Variants in SYNE2 observed in about 807,000 individuals in gnomAD.
SYNE2 encodes the protein spectrin repeat containing nuclear envelope protein 2, also known as nesprin-2.
SYNE2 carries 431 observed loss-of-function variants against 856.3 expected under a neutral mutation model. That is an observed-to-expected ratio of 0.50 (90% confidence interval 0.47 to 0.55). The LOEUF (loss-of-function observed/expected upper bound fraction) is 0.55. Among genes scored for constraint, SYNE2 ranks in the 20% least tolerant of loss-of-function variants. The probability of loss-of-function intolerance (pLI) is 0.00; values close to 1 mark genes in which losing one functional copy is unlikely to be tolerated. For synonymous variants in SYNE2, 2,923 were observed against 2,872.3 expected (o/e 1.02, Z -0.56); for missense variants, 8,129 against 8,023.2 (o/e 1.01, Z -0.50).
chr14:64,165,744 C>T (rs535243938), intron 90 of SYNE2, among the ~76,000 whole-genome samples: 1 of 151,880 alleles, frequency 6.6e-6, no homozygotes, highest in Non-Finnish European at 1.5e-5. Context: ...GAACTCTTGA[C>T]GTCAGGTGAT....
chr14:64,070,882 A>G lies in SYNE2; in HGVS notation c.10669A>G (p.Ile3557Val). ...GGAAACTGTTCCAGCATTTCAAGAA[A>G]TTACTTCTATGAAAGAACGATGCAA... ...AVETVPAFQE[I>V]TSMKERCNKL... Residue 3557 changes from isoleucine to valine, a missense_variant, in exon 52 of 116, where the codon ATT becomes GTT. Physicochemically the swap from Ile to Val is conservative, Grantham distance 29. Coordinates refer to ENST00000555002, the MANE Select transcript of SYNE2 (RefSeq NM_182914.3). 6.2e-7 allele frequency: 1 copy of G among 1,614,198 alleles called. No individual in the cohort carries two copies. Among genetic ancestry groups the G allele is most frequent in the Non-Finnish European group, 8.5e-7 (1 of 1,180,012 alleles).
intron 1 of SYNE2, among the ~76,000 whole-genome samples, chr14:63,843,911 A>G (rs1890146787): frequency 6.6e-6 from 1 of 152,172 alleles, no homozygotes. Flanking sequence ...AATTGAGTGG[A>G]AAGTACAGAG....
intron 1 of SYNE2, among the ~76,000 whole-genome samples, chr14:63,769,943 C>T (rs1490387471): frequency 3.3e-5 from 5 of 151,806 alleles, no homozygotes; most frequent in Non-Finnish European, 7.4e-5. Context: ...TTGAGATGGT[C>T]TTGCTCTGTT....
chr14:63,974,327 C>G (rs907366499), intron 11 of SYNE2, among the ~76,000 whole-genome samples: 1 of 152,158 alleles, frequency 6.6e-6, no homozygotes, highest in African/African-American at 2.4e-5. Context: ...TAGGCTACTT[C>G]CATTCATAGT....
At chr14:63,947,578 G>T (rs550904654) in intron 6 of SYNE2, among the ~76,000 whole-genome samples, 1 of 152,066 alleles carries the variant, frequency 6.6e-6, no homozygotes, top group African/African-American at 2.4e-5. Context: ...GCTCATGCCT[G>T]TAATCCCAGC....
At chr14:64,119,148 G>A (rs753092314) in intron 66 of SYNE2, among the ~76,000 whole-genome samples, 1 of 152,106 alleles carries the variant, frequency 6.6e-6, no homozygotes, top group Non-Finnish European at 1.5e-5. Flanking sequence ...ACTATCCTCT[G>A]CTGGATACAT....
chr14:63,867,350 A>G (rs568105007), intron 1 of SYNE2, among the ~76,000 whole-genome samples: 2 of 149,146 alleles, frequency 1.3e-5, no homozygotes, highest in Admixed American at 6.9e-5. Flanking sequence ...GTTAATTTCT[A>G]TTCTCAGTTC....
Position 64,126,703 on chromosome 14 carries a change from G to C in SYNE2, c.13813G>C (p.Glu4605Gln), listed in dbSNP as rs1474495127. 2 of 1,614,104 alleles carry C rather than the reference G, an allele frequency of 1.2e-6. No homozygotes were observed. Among genetic ancestry groups the C allele is most frequent in the African/African-American group, 2.7e-5 (2 of 74,924 alleles). ...WPGENTNLLL[E>Q]CFDNLQVCLE... is the part of the protein sequence containing the mutation. Reference sequence around the variant, plus strand: ...TGGCGAGAACACCAACTTGCTCCTTGAATGTTTTGACAACCTTCAAGTCTG... The same window carrying C: ...TGGCGAGAACACCAACTTGCTCCTTCAATGTTTTGACAACCTTCAAGTCTG... Residue 4605 changes from glutamate to glutamine, a missense_variant, in exon 73 of 116, where the codon GAA becomes CAA. This residue lies in a region of SYNE2 where 5,410 missense variants were observed against 5,284.8 expected (regional missense o/e 1.02). Transcript: ENST00000555002.
intron 2 of SYNE2, among the ~76,000 whole-genome samples, chr14:63,932,154 G>A (rs1312911379): frequency 2.0e-5 from 3 of 152,022 alleles, no homozygotes; most frequent in Non-Finnish European, 4.4e-5. Context: ...GGCAGGTGGA[G>A]CACCTCACCT....
chr14:63,913,592 G>A (rs1384817963), intron 2 of SYNE2, among the ~76,000 whole-genome samples: 2 of 150,894 alleles, frequency 1.3e-5, no homozygotes, highest in Non-Finnish European at 3.0e-5. Context: ...CCTCCTGAGT[G>A]GCTGGGATTA....
chr14:64,106,870 A>G (rs938264271), intron 64 of SYNE2, among the ~76,000 whole-genome samples: 1 of 152,176 alleles, frequency 6.6e-6, no homozygotes, highest in African/African-American at 2.4e-5. Context: ...CAAGGATTCT[A>G]GTTATATTTT....
At chr14:63,987,708 T>C (rs2096636801) in intron 19 of SYNE2, among the ~76,000 whole-genome samples, 1 of 152,144 alleles carries the variant, frequency 6.6e-6, no homozygotes, top group African/African-American at 2.4e-5. Context: ...AGTATTTATT[T>C]ACTCTATCTG....
At chr14:64,032,012 G>T (rs1018091926) in intron 45 of SYNE2, among the ~76,000 whole-genome samples, 1 of 152,156 alleles carries the variant, frequency 6.6e-6, no homozygotes, top group Admixed American at 6.5e-5. Flanking sequence ...TCCCTGACAC[G>T]CAGCTTCTCA....
intron 109 of SYNE2, 104 bp from the exon 110 acceptor site, chr14:64,219,104 G>GTTTGTTT: frequency 2.5e-6 from 1 of 407,786 alleles, no homozygotes; most frequent in Non-Finnish European, 4.0e-6. Context: ...CAGTTTTTTT[G>GTTTGTTT]TTTTTTTTTT....
At chr14:63,928,250 G>T in intron 2 of SYNE2, among the ~76,000 whole-genome samples, 1 of 152,104 alleles carries the variant, frequency 6.6e-6, no homozygotes. Flanking sequence ...GAGATAGGGC[G>T]GTAGAGTATG....
At chr14:63,941,645 T>G (rs1002374783) in intron 3 of SYNE2, 50 bp from the exon 4 acceptor site, 10 of 1,506,930 alleles carry the variant, frequency 6.6e-6, no homozygotes, top group African/African-American at 1.4e-5. Context: ...TTAAAGGTAT[T>G]CTTTTTGGAC....
At chr14:63,942,213 T>C in intron 6 of SYNE2, 70 bp downstream of exon 6, 2 of 941,600 alleles carry the variant, frequency 2.1e-6, no homozygotes, top group South Asian at 2.6e-5. Context: ...ATGCAATAAG[T>C]GTGAGTGGAC....
At chr14:64,129,598 A>G (rs2097991282) in intron 74 of SYNE2, among the ~76,000 whole-genome samples, 184 bp from the exon 75 acceptor site, 1 of 152,188 alleles carries the variant, frequency 6.6e-6, no homozygotes, top group Non-Finnish European at 1.5e-5. Context: ...ACTGGTATGG[A>G]GCATGTTAGG....
At chr14:63,948,399 C>T (rs746883281) in intron 6 of SYNE2, among the ~76,000 whole-genome samples, 1 of 152,048 alleles carries the variant, frequency 6.6e-6, no homozygotes, top group Non-Finnish European at 1.5e-5. Flanking sequence ...TGCGGTGGCT[C>T]ACGCCTGTAA....
Sources: allele counts gnomAD v4.1 joint callset (sites outside exome capture counted in the v4.1 genomes callset), GRCh38; gene constraint gnomAD v4.1.1; regional missense constraint gnomAD v4.1.1; transcripts MANE v1.5; gene names NCBI Gene and HGNC (gene_info 2026-07-23, HGNC 2026-07-21).